The following PAK5 variants were observed in gnomAD, a reference collection of about 807,000 sequenced individuals.
PAK5 encodes the protein serine/threonine-protein kinase PAK 5.
In PAK5, 16 loss-of-function variants were observed where a neutral mutation model predicts 65.9. The ratio of observed to expected loss-of-function variants is 0.24; its 90% CI spans 0.16 to 0.37. The LOEUF (loss-of-function observed/expected upper bound fraction) is 0.37, where lower values mean the gene tolerates loss of function less well. PAK5 is among the 10% of genes least tolerant of loss of function. PAK5 has a pLI of 1.00. For synonymous variants in PAK5, 371 were observed against 354.9 expected (o/e 1.05, Z -0.51); for missense variants, 785 against 903.9 (o/e 0.87, Z 1.69).
In PAK5 at chr20:9,838,158, G is replaced by C. The variant is rs560862429; in HGVS notation, c.-162+604C>G. Among the ~76,000 whole-genome samples the C allele has an allele frequency of 2.6e-5, 4 of 151,580 alleles. No individual in the cohort carries two copies. In the South Asian group the frequency reaches 8.3e-4, roughly 32 times the overall value. ...GCCCACAAGCAGAAGTTCTCTCTCT[G>C]TCTCTCCATTACAACCCACCAGGCG... On this transcript the variant is annotated intron_variant, in intron 1 of 9. Transcript: ENST00000353224. The surrounding 1 kb of genome is among the most constrained non-coding windows in gnomAD (Gnocchi z 4.5).
chr20:9,718,476 T>A (rs2048176138), intron 1 of PAK5, among the ~76,000 whole-genome samples: 1 of 152,166 alleles, frequency 6.6e-6, no homozygotes. Context: ...TGCCATTATG[T>A]TAGGAAAATA....
At chr20:9,790,943 G>A (rs76647197) in intron 1 of PAK5, among the ~76,000 whole-genome samples, 21,296 of 152,078 alleles carry the variant, frequency 0.14, 1,802 homozygotes, top group South Asian at 0.24. Flanking sequence ...TCCACATCAC[G>A]GGGAATGGGT....
chr20:9,571,877 G>GA (rs1026201679), intron 4 of PAK5, among the ~76,000 whole-genome samples: 2 of 146,026 alleles, frequency 1.4e-5, no homozygotes, highest in African/African-American at 5.1e-5. Flanking sequence ...TGAATGATGG[G>GA]GGGGGGGGAT....
Position 9,838,003 on chromosome 20 carries a change from G to A in PAK5, c.-162+759C>T, listed in dbSNP as rs1017198006. On this transcript the variant is annotated intron_variant, in intron 1 of 9. Transcript: ENST00000353224. The surrounding 1 kb of genome is among the most constrained non-coding windows in gnomAD (Gnocchi z 4.5). ...ACATGGTTTCAAGAAGGGCGATCGC[G>A]CTTATCCTCCAAACTGAGCAGTGAT... Among the ~76,000 whole-genome samples the A allele has an allele frequency of 1.2e-4, 18 of 152,054 alleles. No individual in the cohort carries two copies. Among genetic ancestry groups the A allele is most frequent in the African/African-American group, 4.3e-4 (18 of 41,404 alleles).
At chr20:9,651,744 G>A (rs1195678109) in intron 2 of PAK5, among the ~76,000 whole-genome samples, 5 of 152,240 alleles carry the variant, frequency 3.3e-5, no homozygotes, top group South Asian at 2.1e-4. Context: ...TACTGAAGAC[G>A]GGGTGGGGCA....
At chr20:9,690,670 C>T (rs1174837046) in intron 2 of PAK5, among the ~76,000 whole-genome samples, 5 of 151,832 alleles carry the variant, frequency 3.3e-5, no homozygotes, top group Non-Finnish European at 7.4e-5. Flanking sequence ...TGTCCATCAG[C>T]TCTTATCCAT....
At chr20:9,697,248 C>T (rs1221639744) in intron 2 of PAK5, among the ~76,000 whole-genome samples, 3 of 152,084 alleles carry the variant, frequency 2.0e-5, no homozygotes, top group African/African-American at 7.2e-5. Context: ...TAAGTCAGAA[C>T]ACTGCCCATC....
At chr20:9,546,649 C>T (rs886759176) in intron 7 of PAK5, among the ~76,000 whole-genome samples, 7 of 152,220 alleles carry the variant, frequency 4.6e-5, no homozygotes, top group South Asian at 2.1e-4. Flanking sequence ...AGAGAAACAA[C>T]GGAGAATAAA....
intron 1 of PAK5, among the ~76,000 whole-genome samples, chr20:9,767,121 C>G (rs1223519649): frequency 6.6e-6 from 1 of 152,024 alleles, no homozygotes; most frequent in East Asian, 1.9e-4. Flanking sequence ...ATCTTGGGAC[C>G]CCTTCCAGAA....
At chr20:9,605,093 G>T (rs755300678) in intron 3 of PAK5, among the ~76,000 whole-genome samples, 2 of 152,244 alleles carry the variant, frequency 1.3e-5, no homozygotes, top group Non-Finnish European at 2.9e-5. Flanking sequence ...GTGCCCCATT[G>T]AGCTGGTTAA....
chr20:9,832,601 TCTG>T (rs1978815190), intron 1 of PAK5, among the ~76,000 whole-genome samples: 1 of 152,298 alleles, frequency 6.6e-6, no homozygotes, highest in East Asian at 1.9e-4. Context: ...TTTAAACTTC[TCTG>T]TAGGAAGCTT....
rs140739060 is a variant in PAK5, at chr20:9,566,136, C to T, written c.1239G>A (p.Pro413=). Residue 413 remains proline (P), a synonymous_variant, in exon 5 of 10, where the codon CCG becomes CCA. Coordinates refer to ENST00000353224, the MANE Select transcript of PAK5 (RefSeq NM_177990.4). ...SLSLSSSTYP[P]PSWGSSSDQQ... ...GGTCGGAGGAGGAGCCCCAGCTGGGCGGCGGGTAGGTGCTGGATGAGAGGC... is the reference window on the plus strand; with the variant it reads ...GGTCGGAGGAGGAGCCCCAGCTGGGTGGCGGGTAGGTGCTGGATGAGAGGC... 6.2e-7 allele frequency: 1 copy of T among 1,613,646 alleles called. No individual in the cohort carries two copies. The highest frequency in any genetic ancestry group is 8.5e-7 in the Non-Finnish European group (1 of 1,179,856).
At chr20:9,604,630 T>G (rs1364934354) in intron 3 of PAK5, among the ~76,000 whole-genome samples, 3 of 152,244 alleles carry the variant, frequency 2.0e-5, no homozygotes, top group Non-Finnish European at 4.4e-5. Flanking sequence ...TTCACACCCC[T>G]GCATCCAAAC....
intron 3 of PAK5, among the ~76,000 whole-genome samples, chr20:9,628,502 T>C (rs2123217064): frequency 6.6e-6 from 1 of 152,338 alleles, no homozygotes; most frequent in Admixed American, 6.5e-5. Flanking sequence ...CATTTTGTTC[T>C]CAAAGCTTTC....
At chr20:9,581,039 C>G in intron 3 of PAK5, 109 bp from the exon 4 acceptor site, 4 of 742,780 alleles carry the variant, frequency 5.4e-6, no homozygotes, top group Non-Finnish European at 8.8e-6. Flanking sequence ...AGAAAAAAGA[C>G]CCCGGGAACA....
intron 3 of PAK5, among the ~76,000 whole-genome samples, chr20:9,629,706 A>G (rs1202236420): frequency 1.3e-5 from 2 of 152,190 alleles, no homozygotes; most frequent in Non-Finnish European, 2.9e-5. Flanking sequence ...ATTACTTCTT[A>G]AAGTCCATAT....
chr20:9,824,441 G>A (rs1600414508), intron 1 of PAK5, among the ~76,000 whole-genome samples: 1 of 152,270 alleles, frequency 6.6e-6, no homozygotes, highest in East Asian at 1.9e-4. Flanking sequence ...AGAATTGGCA[G>A]GACTGGAGTA....
At chr20:9,654,489 C>A (rs372242354) in intron 2 of PAK5, among the ~76,000 whole-genome samples, 1 of 152,194 alleles carries the variant, frequency 6.6e-6, no homozygotes, top group African/African-American at 2.4e-5. Flanking sequence ...ATGTCAGCAT[C>A]ATTTCTCTCT....
At chr20:9,542,540 A>T (rs758548979) in intron 9 of PAK5, 46 bp downstream of exon 9, 34 of 1,608,646 alleles carry the variant, frequency 2.1e-5, no homozygotes, top group Non-Finnish European at 2.8e-5. Flanking sequence ...GATACAGGAA[A>T]ATCCAAAAAC....
Sources: allele counts gnomAD v4.1 joint callset (sites outside exome capture counted in the v4.1 genomes callset), GRCh38; gene constraint gnomAD v4.1.1; non-coding constraint Gnocchi (gnomAD v3.1); transcripts MANE v1.5; gene names NCBI Gene and HGNC (gene_info 2026-07-23, HGNC 2026-07-21).